Variants in MAP3K5 observed in about 807,000 individuals in gnomAD.
MAP3K5 encodes the protein mitogen-activated protein kinase kinase kinase 5, also known as ASK-1.
Under a neutral mutation model 158.7 loss-of-function variants are expected in MAP3K5, and 56 were observed. The ratio of observed to expected loss-of-function variants is 0.35; its 90% CI spans 0.28 to 0.44. The LOEUF (loss-of-function observed/expected upper bound fraction) is 0.44. Among genes scored for constraint, MAP3K5 ranks in the 20% least tolerant of loss-of-function variants. The pLI is 1.00. For synonymous variants in MAP3K5, 579 were observed against 601.7 expected (o/e 0.96, Z 0.55); for missense variants, 1,294 against 1,674.8 (o/e 0.77, Z 3.97).
chr6:136,589,123 T>A (rs1310249082), intron 23 of MAP3K5, among the ~76,000 whole-genome samples: 2 of 152,172 alleles, frequency 1.3e-5, no homozygotes, highest in Admixed American at 1.3e-4. Flanking sequence ...CTGAGATTGT[T>A]TACTAAGAGC....
At chr6:136,606,708 T>G (rs1776116438) in intron 18 of MAP3K5, among the ~76,000 whole-genome samples, 1 of 152,234 alleles carries the variant, frequency 6.6e-6, no homozygotes, top group Non-Finnish European at 1.5e-5. Context: ...TTACTTCAAA[T>G]TATGAGGTGT....
intron 13 of MAP3K5, among the ~76,000 whole-genome samples, chr6:136,639,080 C>G (rs1396922908): frequency 6.6e-6 from 1 of 152,088 alleles, no homozygotes; most frequent in East Asian, 1.9e-4. Flanking sequence ...GGCTTCACCC[C>G]CACCAGAACG....
chr6:136,715,549 C>T (rs1296051789), intron 2 of MAP3K5, among the ~76,000 whole-genome samples: 1 of 152,178 alleles, frequency 6.6e-6, no homozygotes, highest in African/African-American at 2.4e-5. Context: ...ATTCCATGCA[C>T]ATGTCTATCC....
intron 1 of MAP3K5, among the ~76,000 whole-genome samples, chr6:136,774,316 T>C (rs1234762026): frequency 6.6e-6 from 1 of 152,114 alleles, no homozygotes; most frequent in East Asian, 1.9e-4. Context: ...TTAGCCAGCA[T>C]GGTGGCACAC....
chr6:136,727,801 A>T (rs1562650128), intron 1 of MAP3K5, among the ~76,000 whole-genome samples: 1 of 108,610 alleles, frequency 9.2e-6, no homozygotes, highest in Non-Finnish European at 1.9e-5. Flanking sequence ...TCTACTAAAA[A>T]TACAAAAAAA....
At chr6:136,697,851 T>C (rs1780670080) in intron 4 of MAP3K5, among the ~76,000 whole-genome samples, 2 of 152,130 alleles carry the variant, frequency 1.3e-5, no homozygotes, top group South Asian at 4.1e-4. Context: ...TTCAAGCAAT[T>C]CTCTTGCCTC....
chr6:136,575,838 G>A (rs9385765), intron 25 of MAP3K5, among the ~76,000 whole-genome samples: 3,173 of 152,280 alleles, frequency 0.021, 59 homozygotes, highest in East Asian at 0.072. Context: ...GGTTGAGGGG[G>A]TGTCTGCCAC....
chr6:136,685,150 A>C (rs79059163), intron 7 of MAP3K5, among the ~76,000 whole-genome samples: 3 of 104,064 alleles, frequency 2.9e-5, no homozygotes, highest in African/African-American at 1.2e-4. Context: ...TTGTCTCTGC[A>C]AAAAAAAAAA....
chr6:136,637,081 A>G (rs1328780947), intron 14 of MAP3K5: 1 of 1,366,586 alleles, frequency 7.3e-7, no homozygotes, highest in Non-Finnish European at 9.4e-7. Flanking sequence ...GTCATAGATA[A>G]AGCATAGTTA....
chr6:136,714,233 G>T (rs1193698691), intron 2 of MAP3K5, among the ~76,000 whole-genome samples: 6 of 152,136 alleles, frequency 3.9e-5, no homozygotes, highest in African/African-American at 1.4e-4. Context: ...CCAAATACAG[G>T]TAAGAATTCA....
chr6:136,790,707 T>C (rs1385453274), intron 1 of MAP3K5, among the ~76,000 whole-genome samples: 2 of 152,194 alleles, frequency 1.3e-5, no homozygotes, highest in Non-Finnish European at 2.9e-5. Flanking sequence ...TGATCACAAA[T>C]GCAAGAAGTG....
intron 1 of MAP3K5, among the ~76,000 whole-genome samples, chr6:136,782,465 T>TA (rs1175281119): frequency 2.6e-5 from 4 of 152,180 alleles, no homozygotes; most frequent in Non-Finnish European, 5.9e-5. Context: ...TTCTGTTTCT[T>TA]AAGAGTTCAC....
chr6:136,635,221 G>T (rs1366922647), intron 14 of MAP3K5, among the ~76,000 whole-genome samples: 1 of 150,610 alleles, frequency 6.6e-6, no homozygotes, highest in African/African-American at 2.4e-5. Context: ...ATGATTGATA[G>T]AATTGTTTCA....
chr6:136,717,360 A>T (rs546616656), intron 2 of MAP3K5, among the ~76,000 whole-genome samples: 33 of 152,168 alleles, frequency 2.2e-4, no homozygotes, highest in African/African-American at 7.5e-4. Context: ...ACAAAAAAAA[A>T]TTTTTTTCTA....
chr6:136,570,112 C>T (rs1306490869), intron 25 of MAP3K5, among the ~76,000 whole-genome samples: 1 of 152,132 alleles, frequency 6.6e-6, no homozygotes, highest in Non-Finnish European at 1.5e-5. Flanking sequence ...CCATGAACCA[C>T]AGGTTAAGAG....
intron 7 of MAP3K5, among the ~76,000 whole-genome samples, chr6:136,678,699 C>T (rs1304917493): frequency 6.6e-6 from 1 of 151,722 alleles, no homozygotes; most frequent in Non-Finnish European, 1.5e-5. Flanking sequence ...TATTTTAGCA[C>T]TAAATATTTG....
intron 14 of MAP3K5, among the ~76,000 whole-genome samples, chr6:136,626,764 T>G (rs1163662671): frequency 6.6e-6 from 1 of 151,262 alleles, no homozygotes; most frequent in East Asian, 1.9e-4. Context: ...ACTACAATGC[T>G]TTATAATCTT....
At chr6:136,642,030 A>AAAATAAAAATAAAATAAAAT (rs1491266433) in intron 12 of MAP3K5, among the ~76,000 whole-genome samples, 156 of 119,298 alleles carry the variant, frequency 1.3e-3, no homozygotes, top group East Asian at 9.1e-3. Context: ...AAAATAAAAT[A>AAAATAAAAATAAAATAAAAT]AAAATAAAAT....
At chr6:136,772,322 C>G (rs898851975) in intron 1 of MAP3K5, among the ~76,000 whole-genome samples, 3 of 152,128 alleles carry the variant, frequency 2.0e-5, no homozygotes, top group Non-Finnish European at 2.9e-5. Flanking sequence ...GTGTTCCTTC[C>G]TACCCTACTG....
Sources: allele counts gnomAD v4.1 joint callset (sites outside exome capture counted in the v4.1 genomes callset), GRCh38; gene constraint gnomAD v4.1.1; transcripts MANE v1.5; gene names NCBI Gene and HGNC (gene_info 2026-07-23, HGNC 2026-07-21).